Variants in ITIH5 observed in about 807,000 individuals in gnomAD.
ITIH5 encodes the protein inter-alpha-trypsin inhibitor heavy chain H5.
ITIH5 carries 65 observed loss-of-function variants against 77.5 expected under a neutral mutation model. The observed-to-expected ratio is 0.84, with a 90% CI of 0.69 to 1.03. The LOEUF (loss-of-function observed/expected upper bound fraction) is 1.03. Ranked by LOEUF, ITIH5 falls within the 50% of genes least tolerant of loss-of-function variation. The probability of loss-of-function intolerance (pLI) is 0.00; values close to 1 mark genes in which losing one functional copy is unlikely to be tolerated. For missense variants in ITIH5, 1,208 were observed against 1,213.1 expected, an observed-to-expected ratio of 1.00 and a Z score of 0.06; for synonymous variants, 525 against 494.3, an observed-to-expected ratio of 1.06 and a Z score of -0.82.
In ITIH5 at chr10:7,561,490, T is replaced by G. The variant is rs1270955578; in HGVS notation, c.*1593A>C. 2 of 152,374 alleles carry G rather than the reference T, an allele frequency of 1.3e-5. No homozygotes were observed. Among genetic ancestry groups the G allele is most frequent in the African/African-American group, 2.4e-5 (1 of 41,452 alleles). 9.4% of individuals were successfully genotyped at this position (152,374 alleles called of 1,614,324 possible). A position where few individuals can be genotyped will look rare whatever the true frequency, so the allele number is the denominator to read the frequency against. On this transcript the variant is annotated 3_prime_UTR_variant, in exon 14 of 14. Transcript: ENST00000397146. ...AGCACTGGCTGGCAGCCTTTGCACC[T>G]CTGGCATGAATACAGGCAGCTGAGG...
intron 5 of ITIH5, among the ~76,000 whole-genome samples, chr10:7,623,061 A>G (rs1034694828): frequency 3.3e-5 from 5 of 152,236 alleles, no homozygotes; most frequent in African/African-American, 1.2e-4. Flanking sequence ...CACATGGGGA[A>G]AGATGGCAGC....
chr10:7,592,909 C>T (rs562220885), intron 7 of ITIH5, among the ~76,000 whole-genome samples: 72 of 152,186 alleles, frequency 4.7e-4, no homozygotes, highest in African/African-American at 1.7e-3. Flanking sequence ...GTGCTGGGCC[C>T]AGTTCTCAGG....
intron 12 of ITIH5, among the ~76,000 whole-genome samples, chr10:7,566,838 GGAAGAGGAAGAAGAAGAAGAAGAAGAA>G (rs1564232648): frequency 0.017 from 203 of 11,930 alleles, 2 homozygotes; most frequent in Non-Finnish European, 0.022. Flanking sequence ...AAGAGGAAGA[GGAAGAGGAAGAAGAAGAAGAAGAAGAA>G]GAAGAAGAAG....
At chr10:7,623,582 T>C (rs552166277) in intron 5 of ITIH5, among the ~76,000 whole-genome samples, 81 of 152,104 alleles carry the variant, frequency 5.3e-4, no homozygotes, top group Non-Finnish European at 6.6e-4. Flanking sequence ...GGCAGGCGGA[T>C]CACAAGGTCA....
At chr10:7,624,857 G>GTATATACATATATATACACATATATGTA in intron 5 of ITIH5, among the ~76,000 whole-genome samples, 1 of 56,098 alleles carries the variant, frequency 1.8e-5, no homozygotes, top group South Asian at 6.7e-4. Flanking sequence ...ATATATATGT[G>GTATATACATATATATACACATATATGTA]TATATATGTA....
intron 2 of ITIH5, among the ~76,000 whole-genome samples, chr10:7,643,855 T>G (rs551171741): frequency 6.6e-6 from 1 of 152,228 alleles, no homozygotes; most frequent in Non-Finnish European, 1.5e-5. Flanking sequence ...AAATACGCAC[T>G]CAAAATGTTT....
chr10:7,597,468 G>C (rs931679198), intron 7 of ITIH5, among the ~76,000 whole-genome samples: 21 of 152,318 alleles, frequency 1.4e-4, no homozygotes, highest in African/African-American at 4.8e-4. Context: ...TGAGGAGAAT[G>C]GAAATGTCTG....
At chr10:7,646,852 G>A (rs909056849) in intron 2 of ITIH5, among the ~76,000 whole-genome samples, 1 of 152,202 alleles carries the variant, frequency 6.6e-6, no homozygotes, top group African/African-American at 2.4e-5. Flanking sequence ...GTGGAAGCTA[G>A]ATGCCCTGTC....
chr10:7,602,859 G>A (rs1055438411), intron 7 of ITIH5, among the ~76,000 whole-genome samples: 6 of 151,864 alleles, frequency 4.0e-5, no homozygotes, highest in Admixed American at 2.0e-4. Context: ...CAGCTCCATC[G>A]TTCTTCCTTC....
chr10:7,665,682 G>C (rs1023266812), intron 1 of ITIH5, among the ~76,000 whole-genome samples: 1 of 152,210 alleles, frequency 6.6e-6, no homozygotes, highest in African/African-American at 2.4e-5. Flanking sequence ...TGCTCAAAAA[G>C]AGCCGCATTC....
At chr10:7,605,270 C>T (rs1348974671) in intron 7 of ITIH5, among the ~76,000 whole-genome samples, 1 of 151,636 alleles carries the variant, frequency 6.6e-6, no homozygotes, top group Non-Finnish European at 1.5e-5. Context: ...TCCCCCTCTT[C>T]TCATGCCACC....
intron 7 of ITIH5, among the ~76,000 whole-genome samples, chr10:7,588,271 C>A (rs1832722617): frequency 6.6e-6 from 1 of 152,178 alleles, no homozygotes; most frequent in Admixed American, 6.5e-5. Flanking sequence ...GTAATCTCAG[C>A]ACTTTGGGAG....
At chr10:7,642,657 A>G (rs1833909029) in intron 2 of ITIH5, among the ~76,000 whole-genome samples, 1 of 152,210 alleles carries the variant, frequency 6.6e-6, no homozygotes, top group Admixed American at 6.5e-5. Flanking sequence ...TTTAGAACCC[A>G]GAAAAAGGAA....
chr10:7,659,172 T>C (rs939577285), intron 1 of ITIH5, among the ~76,000 whole-genome samples: 2 of 151,552 alleles, frequency 1.3e-5, no homozygotes, highest in African/African-American at 4.9e-5. Context: ...AGGTCAAGAG[T>C]TCGAAACCAA....
At chr10:7,620,922 G>C (rs977177387) in intron 5 of ITIH5, 1 of 152,208 alleles carries the variant, frequency 6.6e-6, no homozygotes, top group Non-Finnish European at 1.5e-5. Context: ...CCCCCCACGA[G>C]GGTGTAGAGC....
At chr10:7,571,134 C>T (rs1301991180) in intron 11 of ITIH5, among the ~76,000 whole-genome samples, 1 of 152,172 alleles carries the variant, frequency 6.6e-6, no homozygotes. Flanking sequence ...CTGGGAAGTG[C>T]CTCAACTTCC....
intron 5 of ITIH5, chr10:7,619,256 G>A (rs1185786508): frequency 6.6e-6 from 1 of 152,338 alleles, no homozygotes; most frequent in African/African-American, 2.4e-5. Context: ...CACCCAGAGT[G>A]ACAGGCATCA....
chr10:7,629,475 G>A (rs113613429), intron 5 of ITIH5, among the ~76,000 whole-genome samples: 10 of 92,608 alleles, frequency 1.1e-4, no homozygotes, highest in South Asian at 7.6e-4. Flanking sequence ...CTGTGTTTTC[G>A]CATGTGTCCA....
intron 5 of ITIH5, among the ~76,000 whole-genome samples, chr10:7,627,928 G>A (rs111401239): frequency 3.2e-5 from 4 of 123,902 alleles, no homozygotes; most frequent in African/African-American, 6.2e-5. Context: ...TGCAACCTCC[G>A]CCTCCCACAT....
Sources: gnomAD v4.1 joint callset for allele counts (sites outside exome capture counted in the v4.1 genomes callset) on GRCh38, gnomAD v4.1.1 for gene constraint, MANE v1.5 for transcripts, NCBI Gene and HGNC (gene_info 2026-07-23, HGNC 2026-07-21) for gene names.